The following ZC3H13 variants were observed in gnomAD, a reference collection of about 807,000 sequenced individuals.
ZC3H13 encodes zinc finger CCCH-type containing 13, also known as zinc finger CCCH domain-containing protein 13.
In ZC3H13, 64 loss-of-function variants were observed where a neutral mutation model predicts 204.1. The observed-to-expected ratio is 0.31, with a 90% confidence interval of 0.26 to 0.39. The LOEUF is 0.39. Among genes scored for constraint, ZC3H13 ranks in the 10% least tolerant of loss-of-function variants. The pLI is 1.00. For synonymous variants in ZC3H13, 667 were observed against 693.7 expected (o/e 0.96, Z 0.60); for missense variants, 1,833 against 2,082.7 (o/e 0.88, Z 2.33).
intron 8 of ZC3H13, among the ~76,000 whole-genome samples, chr13:45,992,694 G>A (rs1247104785): frequency 1.3e-5 from 2 of 152,178 alleles, no homozygotes; most frequent in Non-Finnish European, 2.9e-5. Flanking sequence ...GTCTGTGAGG[G>A]CTTCCTAAAA....
intron 5 of ZC3H13, among the ~76,000 whole-genome samples, chr13:46,012,287 C>G (rs902016270): frequency 6.8e-6 from 1 of 147,890 alleles, no homozygotes; most frequent in Non-Finnish European, 1.5e-5. Flanking sequence ...ATAGAAGTTG[C>G]TGGCACTAGC....
intron 6 of ZC3H13, among the ~76,000 whole-genome samples, chr13:46,010,882 C>T (rs2041512466): frequency 6.6e-6 from 1 of 151,788 alleles, no homozygotes; most frequent in Non-Finnish European, 1.5e-5. Flanking sequence ...GATCTCATCC[C>T]TACAAAAAAA....
chr13:46,004,395 C>T (rs1227616379), intron 7 of ZC3H13, among the ~76,000 whole-genome samples: 4 of 151,940 alleles, frequency 2.6e-5, no homozygotes, highest in Admixed American at 6.6e-5. Context: ...CAAAAATTAG[C>T]CAGGCATGGT....
chr13:45,965,511 T>C, intron 15 of ZC3H13, 79 bp from the exon 16 acceptor site: 5 of 1,419,830 alleles, frequency 3.5e-6, no homozygotes, highest in Non-Finnish European at 4.8e-6. Context: ...AGGTAGAGGG[T>C]ACACACATTA....
At chr13:46,016,198 C>A (rs1158253346) in intron 5 of ZC3H13, among the ~76,000 whole-genome samples, 1 of 152,096 alleles carries the variant, frequency 6.6e-6, no homozygotes, top group African/African-American at 2.4e-5. Context: ...CACTCCACAG[C>A]CCAGCAATTC....
chr13:46,036,054 A>G (rs1191658531), intron 4 of ZC3H13, among the ~76,000 whole-genome samples: 5 of 152,014 alleles, frequency 3.3e-5, no homozygotes, highest in Middle Eastern at 3.2e-3. Flanking sequence ...AGGCTGAGGC[A>G]GGAGGATTGT....
In ZC3H13 at chr13:45,981,582, C is replaced by G. The variant is rs12560325; in HGVS notation, c.1721-1578G>C. On this transcript the variant is annotated intron_variant, in intron 10 of 18. Transcript: ENST00000679008. ...CACACTGACTTCCACAAGGGTTGAA[C>G]TAGTTTACAGTCCCACCAACAGTGT... is the stretch of plus-strand genomic sequence containing the variant. 1.5e-3 allele frequency among the ~76,000 whole-genome samples: 232 copies of G among 152,160 alleles called. 6 individuals are homozygous for G. The East Asian group carries it at 0.039, about 25-fold the overall frequency.
chr13:46,049,150 C>CAAAAA (rs58915210), intron 1 of ZC3H13, among the ~76,000 whole-genome samples: 1 of 91,850 alleles, frequency 1.1e-5, no homozygotes. Flanking sequence ...GACTCCGTCT[C>CAAAAA]AAAAAAAAAA....
intron 12 of ZC3H13, 84 bp from the exon 13 acceptor site, chr13:45,970,549 T>C: frequency 1.9e-6 from 2 of 1,069,142 alleles, no homozygotes; most frequent in South Asian, 2.8e-5. Flanking sequence ...ATCTCTTTAC[T>C]ATAACTGGAA....
At chr13:46,009,986 T>C (rs1201671860) in intron 7 of ZC3H13, among the ~76,000 whole-genome samples, 2 of 152,154 alleles carry the variant, frequency 1.3e-5, no homozygotes, top group East Asian at 3.8e-4. Context: ...GGTTATGATA[T>C]ATCCCTATTA....
At chr13:45,987,827 T>C (rs1447157599) in intron 9 of ZC3H13, among the ~76,000 whole-genome samples, 6 of 152,270 alleles carry the variant, frequency 3.9e-5, no homozygotes, top group Admixed American at 1.3e-4. Context: ...AACAGACTTA[T>C]TAAGTTGAAT....
In ZC3H13 at chr13:46,044,413, C is replaced by T. The variant is rs147790992; in HGVS notation, c.227+542G>A. On this transcript the variant is annotated intron_variant, in intron 3 of 18. Coordinates refer to ENST00000679008, the MANE Select transcript of ZC3H13 (RefSeq NM_001330564.2). ...CTTTATTAAGCAAGTTTAATCTAGC[C>T]AAGCCTTTATTAAAGGCAAAACGAT... Among the ~76,000 whole-genome samples the T allele has an allele frequency of 8.2e-3, 1,244 of 151,982 alleles. 9 individuals are homozygous for T. Among genetic ancestry groups the T allele is most frequent in the Middle Eastern group, 0.021 (6 of 292 alleles).
rs1432171380 is a variant in ZC3H13 at position 45,983,508 on chromosome 13, G to A, written c.1720+1789C>T. Among the ~76,000 whole-genome samples the A allele has an allele frequency of 4.7e-5, 6 of 126,388 alleles. No homozygotes were observed. In the East Asian group the frequency reaches 1.6e-3, roughly 33 times the overall value. 82.9% of individuals were successfully genotyped at this position (126,388 alleles called of 152,430 possible). On this transcript the variant is annotated intron_variant, in intron 10 of 18. Coordinates refer to ENST00000679008, the MANE Select transcript of ZC3H13 (RefSeq NM_001330564.2). The stretch of plus-strand genomic sequence containing the variant: ...GTGGCGCTATCCCGGCTCACTGCAA[G>A]CTCCGCCTCTTGGGTTCATGCCATT...
At chr13:45,972,990 A>C (rs903073696) in intron 12 of ZC3H13, among the ~76,000 whole-genome samples, 15 of 152,236 alleles carry the variant, frequency 9.9e-5, no homozygotes, top group African/African-American at 3.6e-4. Flanking sequence ...GCCCAGCTGC[A>C]TTGTCAGATG....
At chr13:46,037,643 C>CTGA (rs2043294088) in intron 4 of ZC3H13, among the ~76,000 whole-genome samples, 1 of 124,978 alleles carries the variant, frequency 8.0e-6, no homozygotes, top group African/African-American at 3.3e-5. Context: ...CTCATATAAG[C>CTGA]CTCTCACTTT....
At chr13:46,025,906 A>C (rs1434450202) in intron 4 of ZC3H13, among the ~76,000 whole-genome samples, 1 of 145,986 alleles carries the variant, frequency 6.8e-6, no homozygotes, top group Non-Finnish European at 1.5e-5. Context: ...AAAAAAAAAA[A>C]CTTTATTAAT....
intron 10 of ZC3H13, among the ~76,000 whole-genome samples, chr13:45,984,130 A>C (rs940996053): frequency 1.1e-4 from 17 of 152,256 alleles, no homozygotes; most frequent in African/African-American, 4.1e-4. Flanking sequence ...ACAAAGAAAG[A>C]CATGAAAGAT....
intron 11 of ZC3H13, among the ~76,000 whole-genome samples, chr13:45,979,301 A>G (rs1244039218): frequency 6.6e-6 from 1 of 152,154 alleles, no homozygotes; most frequent in Admixed American, 6.6e-5. Context: ...AAGAACGTAA[A>G]ATTAGCTAAA....
chr13:45,997,670 G>A (rs2040437634), intron 8 of ZC3H13, among the ~76,000 whole-genome samples: 2 of 152,098 alleles, frequency 1.3e-5, no homozygotes, highest in African/African-American at 2.4e-5. Context: ...ACAGCTAGAA[G>A]GATTTAAAGT....
Sources: allele counts gnomAD v4.1 joint callset (sites outside exome capture counted in the v4.1 genomes callset), GRCh38; gene constraint gnomAD v4.1.1; transcripts MANE v1.5; gene names NCBI Gene and HGNC (gene_info 2026-07-23, HGNC 2026-07-21).